Variants in SAXO1 observed in about 807,000 individuals in gnomAD.
The protein encoded by SAXO1 is 4930500O09Rik.
SAXO1 carries 21 observed loss-of-function variants against 17.5 expected under a neutral mutation model. That is an observed-to-expected ratio of 1.20 (90% CI 0.85 to 1.72). SAXO1 has a LOEUF of 1.72. Among genes scored for constraint, SAXO1 ranks in the 40% most tolerant of loss-of-function variants. SAXO1 has a pLI of 0.00. For missense variants in SAXO1, 843 were observed against 596.0 expected (o/e 1.41, Z -4.32); for synonymous variants, 274 against 216.5 (o/e 1.27, Z -2.33).
chr9:19,020,471 CA>C (rs1835176371), intron 1 of SAXO1, among the ~76,000 whole-genome samples: 1 of 152,102 alleles, frequency 6.6e-6, no homozygotes, highest in Admixed American at 6.6e-5. Flanking sequence ...CCCACCTCAG[CA>C]TCCCCAGCAC....
At chr9:18,934,889 T>C (rs12005586) in intron 3 of SAXO1, among the ~76,000 whole-genome samples, 1 of 152,132 alleles carries the variant, frequency 6.6e-6, no homozygotes, top group Admixed American at 6.5e-5. Flanking sequence ...ACCGATATTT[T>C]TGTTCATTTT....
chr9:18,968,598 G>GT (rs34092832), intron 1 of SAXO1, among the ~76,000 whole-genome samples: 62 of 144,070 alleles, frequency 4.3e-4, no homozygotes, highest in East Asian at 1.6e-3. Flanking sequence ...CCCCCTTTTT[G>GT]TTTTTTTTTT....
intron 1 of SAXO1, among the ~76,000 whole-genome samples, chr9:18,951,551 T>A (rs1461342205): frequency 6.6e-6 from 1 of 152,196 alleles, no homozygotes; most frequent in African/African-American, 2.4e-5. Context: ...CCTCAGTTAT[T>A]ACAGCCTTAG....
chr9:18,957,375 AT>A (rs1160335640), intron 1 of SAXO1, among the ~76,000 whole-genome samples: 1 of 152,186 alleles, frequency 6.6e-6, no homozygotes, highest in Non-Finnish European at 1.5e-5. Flanking sequence ...CAGTATACAG[AT>A]GTGGATGCTG....
At chr9:18,969,715 A>C (rs181171559) in intron 1 of SAXO1, among the ~76,000 whole-genome samples, 163 of 152,366 alleles carry the variant, frequency 1.1e-3, no homozygotes, top group Non-Finnish European at 1.6e-3. Flanking sequence ...TTTTGGATGA[A>C]CAATTTGTGA....
intron 1 of SAXO1, among the ~76,000 whole-genome samples, chr9:18,961,366 T>A (rs1832475225): frequency 6.6e-6 from 1 of 152,162 alleles, no homozygotes; most frequent in Non-Finnish European, 1.5e-5. Context: ...TACTTTAAGT[T>A]CTGGGATACA....
intron 1 of SAXO1, among the ~76,000 whole-genome samples, chr9:19,025,736 T>C (rs1338628950): frequency 6.6e-6 from 1 of 152,206 alleles, no homozygotes; most frequent in Non-Finnish European, 1.5e-5. Flanking sequence ...AGCTGTAAAA[T>C]AATCAGATAT....
chr9:18,971,610 A>G (rs1404342760), intron 1 of SAXO1, among the ~76,000 whole-genome samples: 1 of 152,112 alleles, frequency 6.6e-6, no homozygotes, highest in Non-Finnish European at 1.5e-5. Flanking sequence ...ACTTTCCAAA[A>G]CAAGTAGGAG....
intron 1 of SAXO1, among the ~76,000 whole-genome samples, chr9:18,957,904 T>C (rs1283034614): frequency 6.6e-6 from 1 of 152,206 alleles, no homozygotes; most frequent in Admixed American, 6.6e-5. Flanking sequence ...TAAAAGTTTT[T>C]CTATTTAATT....
chr9:18,941,954 C>A, intron 2 of SAXO1, 115 bp from the exon 3 acceptor site: 1 of 915,374 alleles, frequency 1.1e-6, no homozygotes. Context: ...ACTCTACCTG[C>A]CTTCCCTCCT....
At chr9:19,027,656 G>A (rs1835552949) in intron 1 of SAXO1, 1 of 1,386,410 alleles carries the variant, frequency 7.2e-7, no homozygotes, top group African/African-American at 1.4e-5. Flanking sequence ...CTTCGCCCTG[G>A]CCAAGGAGAA....
chr9:19,007,679 C>A (rs1459638310), intron 1 of SAXO1, among the ~76,000 whole-genome samples: 2 of 152,214 alleles, frequency 1.3e-5, no homozygotes, highest in South Asian at 2.1e-4. Context: ...GCCTTAGAGC[C>A]AAATTCAGCT....
In SAXO1 at chr9:18,941,742, T is replaced by C. The variant is rs199758996; in HGVS notation, c.316A>G (p.Lys106Glu). Residue 106 changes from lysine to glutamate, a missense_variant, in exon 3 of 4, where the codon AAG becomes GAG. Transcript: ENST00000380534. ...ACAGGGTAGGGATTGTAATCTTTCT[T>C]ATACGTCGTGAGCAAATCCATATTC... ...EENMDLLTTY[K>E]KDYNPYPVCR... is the part of the protein sequence containing the mutation. 6.2e-6 allele frequency: 10 copies of C among 1,613,774 alleles called. No homozygotes were observed. Among genetic ancestry groups the C allele is most frequent in the South Asian group, 1.1e-5 (1 of 91,076 alleles).
At chr9:19,034,654 G>T (rs116461914), upstream of SAXO1, among the ~76,000 whole-genome samples, 725 of 152,320 alleles carry the variant, frequency 4.8e-3, 4 homozygotes, top group African/African-American at 0.017. Context: ...CTTAAGAACA[G>T]TGGGGTGGGA....
At chr9:18,975,221 G>C (rs62564766) in intron 1 of SAXO1, among the ~76,000 whole-genome samples, 29 of 7,040 alleles carry the variant, frequency 4.1e-3, no homozygotes, top group Non-Finnish European at 0.013. Flanking sequence ...TGGGGAAGCA[G>C]GGAGAGTGCA....
chr9:18,985,132 G>A (rs527728271), intron 1 of SAXO1, among the ~76,000 whole-genome samples: 4 of 152,044 alleles, frequency 2.6e-5, no homozygotes, highest in East Asian at 1.9e-4. Flanking sequence ...GAGAAGGAGA[G>A]AGATGCGAGA....
At chr9:19,031,836 A>G (rs1835788211) in intron 1 of SAXO1, among the ~76,000 whole-genome samples, 1 of 152,204 alleles carries the variant, frequency 6.6e-6, no homozygotes. Flanking sequence ...AGAGTTGGGA[A>G]CCATTTATTG....
chr9:19,037,599 C>T (rs757644966), upstream of SAXO1, among the ~76,000 whole-genome samples: 31 of 152,154 alleles, frequency 2.0e-4, no homozygotes, highest in African/African-American at 6.8e-4. Context: ...TTTCACCTCC[C>T]GCCATGATTC....
intron 1 of SAXO1, among the ~76,000 whole-genome samples, chr9:19,005,273 A>G (rs945876882): frequency 6.6e-6 from 1 of 152,166 alleles, no homozygotes; most frequent in Non-Finnish European, 1.5e-5. Flanking sequence ...AGAAAATCCT[A>G]TTCTGAAGTT....
Sources: gnomAD v4.1 joint callset for allele counts (sites outside exome capture counted in the v4.1 genomes callset) on GRCh38, gnomAD v4.1.1 for gene constraint, MANE v1.5 for transcripts, NCBI Gene and HGNC (gene_info 2026-07-23, HGNC 2026-07-21) for gene names.